Variants in GTF3C1 observed in about 807,000 individuals in gnomAD.
GTF3C1 encodes general transcription factor 3C polypeptide 1.
A neutral mutation model predicts 226.7 loss-of-function variants in GTF3C1; 57 were observed. The ratio of observed to expected loss-of-function variants is 0.25; its 90% confidence interval spans 0.20 to 0.31. The LOEUF is 0.31. Among genes scored for constraint, GTF3C1 ranks in the 10% least tolerant of loss-of-function variants. The pLI is 1.00. For synonymous variants in GTF3C1, 1,090 were observed against 1,084.8 expected, an observed-to-expected ratio of 1.00 and a Z score of -0.09; for missense variants, 2,217 against 2,776.1, an observed-to-expected ratio of 0.80 and a Z score of 4.53.
At chr16:27,501,059 G>T in intron 12 of GTF3C1, 132 bp downstream of exon 12, 1 of 722,320 alleles carries the variant, frequency 1.4e-6, no homozygotes, top group Non-Finnish European at 2.3e-6. Flanking sequence ...CCCCAAATCA[G>T]GAGGCATAAT....
At chr16:27,475,180 G>A (rs963555275) in intron 29 of GTF3C1, among the ~76,000 whole-genome samples, 5 of 152,190 alleles carry the variant, frequency 3.3e-5, no homozygotes, top group African/African-American at 1.2e-4. Context: ...GGGCCCCTTC[G>A]GGATTGGGGA....
intron 16 of GTF3C1, among the ~76,000 whole-genome samples, chr16:27,494,176 C>A (rs577712108): frequency 3.3e-5 from 5 of 151,966 alleles, no homozygotes; most frequent in Admixed American, 2.0e-4. Context: ...CCAAGACGGG[C>A]GGATCACAAG....
intron 4 of GTF3C1, among the ~76,000 whole-genome samples, chr16:27,536,056 G>T (rs554423868): frequency 1.3e-5 from 2 of 152,270 alleles, no homozygotes; most frequent in South Asian, 4.1e-4. Flanking sequence ...CTGCAGCTGC[G>T]ACTGCCCGCC....
Position 27,492,444 on chromosome 16 carries a change from G to A in GTF3C1, c.3045C>T (p.Ala1015=). 1 of 1,611,814 alleles carries A rather than the reference G, an allele frequency of 6.2e-7. No individual in the cohort carries two copies. The highest frequency in any genetic ancestry group is 8.5e-7 in the Non-Finnish European group (1 of 1,177,888). Residue 1015 remains alanine (A), a synonymous_variant, in exon 19 of 37, where the codon GCC becomes GCT. Transcript: ENST00000356183. The surrounding 1 kb of genome is among the most constrained non-coding windows in gnomAD (Gnocchi z 5.0). ...TTICDPHYNL[A]RSSRPFERRL... Reference sequence around the variant, plus strand: ...GCCTCTCGAAGGGCCGGCTGCTGCGGGCCAGGTTGTAATGTGGGTCGCAGA... The same window carrying A: ...GCCTCTCGAAGGGCCGGCTGCTGCGAGCCAGGTTGTAATGTGGGTCGCAGA...
chr16:27,495,920 G>C (rs538395103), intron 14 of GTF3C1, among the ~76,000 whole-genome samples: 1 of 152,194 alleles, frequency 6.6e-6, no homozygotes, highest in African/African-American at 2.4e-5. Context: ...CAGCACCTGC[G>C]GCAGGAGGGC....
chr16:27,505,441 C>T (rs1336943082), intron 10 of GTF3C1, among the ~76,000 whole-genome samples: 2 of 152,220 alleles, frequency 1.3e-5, no homozygotes, highest in Admixed American at 6.5e-5. Flanking sequence ...TAACCTCTCC[C>T]TATTGGATGC....
intron 4 of GTF3C1, among the ~76,000 whole-genome samples, chr16:27,534,274 C>A (rs1201695267): frequency 6.6e-6 from 1 of 152,204 alleles, no homozygotes; most frequent in African/African-American, 2.4e-5. Context: ...GCAAAGGAAG[C>A]TATTTAAAAA....
chr16:27,526,209 G>A (rs2088831968), intron 6 of GTF3C1, among the ~76,000 whole-genome samples: 1 of 152,214 alleles, frequency 6.6e-6, no homozygotes, highest in Admixed American at 6.5e-5. Flanking sequence ...GGCTGTCAGT[G>A]TTGGAAGAGC....
intron 6 of GTF3C1, among the ~76,000 whole-genome samples, chr16:27,526,665 C>T (rs2088838574): frequency 6.6e-6 from 1 of 152,216 alleles, no homozygotes; most frequent in African/African-American, 2.4e-5. Flanking sequence ...TCGCCATTTG[C>T]CCATCTACCT....
chr16:27,493,336 C>G, intron 16 of GTF3C1, 40 bp from the exon 17 acceptor site: 2 of 979,084 alleles, frequency 2.0e-6, no homozygotes, highest in Non-Finnish European at 3.3e-6. Flanking sequence ...CCCTGAGGGC[C>G]AGGGCGACCT....
chr16:27,477,932 G>C (rs1176230467), intron 28 of GTF3C1, among the ~76,000 whole-genome samples: 1 of 152,216 alleles, frequency 6.6e-6, no homozygotes, highest in Non-Finnish European at 1.5e-5. Flanking sequence ...CACTTTGAGA[G>C]ACCAAGGTGG....
chr16:27,472,824 C>T (rs930222167), intron 29 of GTF3C1, among the ~76,000 whole-genome samples: 4 of 152,232 alleles, frequency 2.6e-5, no homozygotes, highest in Non-Finnish European at 5.9e-5. Context: ...AGGTCAATTG[C>T]CTTATATTAT....
intron 6 of GTF3C1, among the ~76,000 whole-genome samples, chr16:27,520,915 C>T (rs1415510640): frequency 6.6e-6 from 1 of 152,236 alleles, no homozygotes; most frequent in Admixed American, 6.5e-5. Flanking sequence ...GATGGGGTTT[C>T]ACCATGTTGG....
intron 32 of GTF3C1, among the ~76,000 whole-genome samples, chr16:27,467,125 T>A (rs2087797057): frequency 6.6e-6 from 1 of 152,254 alleles, no homozygotes; most frequent in Admixed American, 6.5e-5. Context: ...TGTTGGAAGA[T>A]GCCATCTAGG....
At chr16:27,489,446 A>T (rs1049374844) in intron 20 of GTF3C1, among the ~76,000 whole-genome samples, 156 bp downstream of exon 20, 2 of 152,250 alleles carry the variant, frequency 1.3e-5, no homozygotes, top group Non-Finnish European at 2.9e-5. Context: ...ATGTGGGCTA[A>T]ATAAAGTATG....
At chr16:27,504,351 GCTCCA>G (rs2141398895) in intron 10 of GTF3C1, among the ~76,000 whole-genome samples, 1 of 152,334 alleles carries the variant, frequency 6.6e-6, no homozygotes, top group African/African-American at 2.4e-5. Flanking sequence ...GAGCTGCTGG[GCTCCA>G]CTGCTGGAAG....
chr16:27,506,250 G>C, intron 9 of GTF3C1, 134 bp from the exon 10 acceptor site: 1 of 602,974 alleles, frequency 1.7e-6, no homozygotes, highest in South Asian at 2.0e-5. Context: ...AAGTGGACCA[G>C]CAGCAGCTTG....
chr16:27,548,348 A>G (rs1596669843), intron 1 of GTF3C1, among the ~76,000 whole-genome samples: 1 of 152,032 alleles, frequency 6.6e-6, no homozygotes. Context: ...GCTCACTGAA[A>G]CCTCTGTCTC....
In GTF3C1 at chr16:27,492,571, C is replaced by G. The variant is rs768812849; in HGVS notation, c.2973+46G>C. 3 of 1,542,434 alleles carry G rather than the reference C, an allele frequency of 1.9e-6. No homozygotes were observed. Among genetic ancestry groups the G allele is most frequent in the Non-Finnish European group, 1.8e-6 (2 of 1,114,712 alleles). On this transcript the variant is annotated intron_variant, in intron 18 of 36. Transcript: ENST00000356183. The surrounding 1 kb of genome is among the most constrained non-coding windows in gnomAD (Gnocchi z 5.0). ...ACATTGGGTCTGGCTGCTTGGAGAC[C>G]GTTTAACAATCAGAATTTCCTTCGT...
Sources: gnomAD v4.1 joint callset for allele counts (sites outside exome capture counted in the v4.1 genomes callset) on GRCh38, gnomAD v4.1.1 for gene constraint, Gnocchi (gnomAD v3.1) non-coding constraint, MANE v1.5 for transcripts, NCBI Gene and HGNC (gene_info 2026-07-23, HGNC 2026-07-21) for gene names.